The following TENM2 variants were observed in gnomAD, a reference collection of about 807,000 sequenced individuals.
TENM2 encodes the protein teneurin transmembrane protein 2.
A neutral mutation model predicts 245.2 loss-of-function variants in TENM2; 52 were observed. The ratio of observed to expected loss-of-function variants is 0.21; its 90% CI spans 0.17 to 0.27. TENM2 has a LOEUF of 0.27. TENM2 is among the 10% of genes least tolerant of loss of function. TENM2 has a pLI of 1.00. For synonymous variants in TENM2, 1,363 were observed against 1,438.9 expected, an observed-to-expected ratio of 0.95 and a Z score of 1.19; for missense variants, 3,046 against 3,666.8, an observed-to-expected ratio of 0.83 and a Z score of 4.37.
At chr5:167,184,941 C>G in the TENM2 span, among the ~76,000 whole-genome samples, 1 of 152,176 alleles carries the variant, frequency 6.6e-6, no homozygotes, top group Non-Finnish European at 1.5e-5. Context: ...CAACCTCGAT[C>G]CCTCGCATGT....
intron 10 of TENM2, 79 bp from the exon 13 acceptor site, chr5:168,124,771 G>A: frequency 1.5e-6 from 2 of 1,375,334 alleles, no homozygotes; most frequent in Non-Finnish European, 2.0e-6. Flanking sequence ...CCATTCAGCA[G>A]CAAGCCCATG....
the TENM2 span, among the ~76,000 whole-genome samples, chr5:167,117,319 C>T: frequency 1.3e-5 from 2 of 152,032 alleles, no homozygotes; most frequent in Non-Finnish European, 2.9e-5. Flanking sequence ...CCGGCTAACA[C>T]GGTGAAACCC....
At chr5:167,673,800 C>T (rs1024333171) in intron 2 of TENM2, among the ~76,000 whole-genome samples, 4 of 151,678 alleles carry the variant, frequency 2.6e-5, no homozygotes, top group Non-Finnish European at 5.9e-5. Flanking sequence ...TTATATACAC[C>T]CTTCTATTGA....
At chr5:168,079,441 G>T (rs1405766839) in intron 7 of TENM2, among the ~76,000 whole-genome samples, 3 of 152,052 alleles carry the variant, frequency 2.0e-5, no homozygotes, top group Non-Finnish European at 2.9e-5. Context: ...CTGCCTGATT[G>T]CCCTGGCCAG....
chr5:167,093,474 A>G, the TENM2 span, among the ~76,000 whole-genome samples: 2 of 152,206 alleles, frequency 1.3e-5, no homozygotes, highest in Non-Finnish European at 2.9e-5. Flanking sequence ...CAAGGTTAAT[A>G]AAGGAGACAA....
the TENM2 span, among the ~76,000 whole-genome samples, chr5:167,239,068 T>C: frequency 5.9e-5 from 9 of 152,006 alleles, no homozygotes; most frequent in African/African-American, 2.2e-4. Flanking sequence ...ACGAAATAAA[T>C]CCCCCAAAAC....
the TENM2 span, among the ~76,000 whole-genome samples, chr5:167,025,719 G>T: frequency 6.6e-6 from 1 of 152,160 alleles, no homozygotes; most frequent in Non-Finnish European, 1.5e-5. Context: ...TCAGATTATA[G>T]ATTGGTTAAT....
At chr5:167,782,065 G>A (rs942810452) in intron 2 of TENM2, among the ~76,000 whole-genome samples, 10 of 152,036 alleles carry the variant, frequency 6.6e-5, no homozygotes, top group Non-Finnish European at 1.3e-4. Context: ...TGTAATCCCA[G>A]CACTTTGGGA....
chr5:168,066,865 A>G (rs1187206886), intron 7 of TENM2, among the ~76,000 whole-genome samples: 2 of 152,220 alleles, frequency 1.3e-5, no homozygotes, highest in East Asian at 3.9e-4. Context: ...GAAGAAAAAG[A>G]ATAATCTGAC....
chr5:167,656,581 A>G (rs1322413803), intron 2 of TENM2, among the ~76,000 whole-genome samples: 13 of 152,188 alleles, frequency 8.5e-5, no homozygotes, highest in Non-Finnish European at 8.8e-5. Flanking sequence ...TTATAACATC[A>G]TAGTATTTTG....
the TENM2 span, among the ~76,000 whole-genome samples, chr5:167,194,495 G>T: frequency 6.6e-6 from 1 of 151,940 alleles, no homozygotes; most frequent in Non-Finnish European, 1.5e-5. Flanking sequence ...AGACTATTAA[G>T]GTAGCATGCA....
In TENM2 at chr5:167,776,593, GAAAAAAAAAAAAAAAA is replaced by G. The variant is rs869252752; in HGVS notation, c.503-99375_503-99360del. ...TTGGGCAGCAGATGAGACCCTGTCT[GAAAAAAAAAAAAAAAA>G]AAAAAAAAAAAAAAAAACCATATAT... On this transcript the variant is annotated intron_variant, in intron 2 of 28. Coordinates refer to ENST00000518659, the Ensembl canonical transcript of TENM2. 7.8e-3 allele frequency among the ~76,000 whole-genome samples: 282 copies of G among 36,034 alleles called. 7 individuals are homozygous for G. Among genetic ancestry groups the G allele is most frequent in the African/African-American group, 0.023 (266 of 11,446 alleles). 23.6% of individuals were successfully genotyped at this position (36,034 alleles called of 152,430 possible).
the TENM2 span, among the ~76,000 whole-genome samples, chr5:167,058,154 C>CGCTTG: frequency 6.6e-6 from 1 of 152,064 alleles, no homozygotes; most frequent in Non-Finnish European, 1.5e-5. Context: ...TTCAGGTTTC[C>CGCTTG]GCTTGCTAAG....
At chr5:167,209,017 A>G in the TENM2 span, among the ~76,000 whole-genome samples, 28 of 152,268 alleles carry the variant, frequency 1.8e-4, no homozygotes, top group Middle Eastern at 3.4e-3. Context: ...TCAGGAAGCT[A>G]TCTTCCTTCA....
At chr5:167,018,302 A>AT in the TENM2 span, among the ~76,000 whole-genome samples, 8 of 152,112 alleles carry the variant, frequency 5.3e-5, no homozygotes, top group Non-Finnish European at 1.2e-4. Context: ...AGAGGCAGAT[A>AT]TTCAGCCCTG....
At chr5:167,883,716 A>G (rs910998709) in intron 3 of TENM2, among the ~76,000 whole-genome samples, 1 of 152,228 alleles carries the variant, frequency 6.6e-6, no homozygotes, top group Non-Finnish European at 1.5e-5. Flanking sequence ...TGATATCTTA[A>G]CAGTTTCGTG....
At chr5:168,154,516 C>T (rs1249205731) in intron 12 of TENM2, among the ~76,000 whole-genome samples, 1 of 152,176 alleles carries the variant, frequency 6.6e-6, no homozygotes, top group African/African-American at 2.4e-5. Context: ...TGAGCTACCG[C>T]GCCTGGCCCC....
chr5:167,429,783 T>A (rs940762065), intron 2 of TENM2, among the ~76,000 whole-genome samples: 4 of 151,942 alleles, frequency 2.6e-5, no homozygotes, highest in Non-Finnish European at 4.4e-5. Flanking sequence ...ATTTTTATAT[T>A]TTTAGTACAG....
At chr5:167,532,840 A>ATG (rs1302844830) in intron 2 of TENM2, among the ~76,000 whole-genome samples, 2 of 150,658 alleles carry the variant, frequency 1.3e-5, no homozygotes, top group Non-Finnish European at 3.0e-5. Context: ...ATATATATAT[A>ATG]TATATGCTAT....
Sources: gnomAD v4.1 joint callset for allele counts (sites outside exome capture counted in the v4.1 genomes callset) on GRCh38, gnomAD v4.1.1 for gene constraint, MANE v1.5 for transcripts, NCBI Gene and HGNC (gene_info 2026-07-23, HGNC 2026-07-21) for gene names.